GPD1: variants seen among roughly 807,000 people sequenced by gnomAD.
GPD1 encodes glycerol-3-phosphate dehydrogenase [NAD(+)], cytoplasmic.
GPD1 carries 19 observed loss-of-function variants against 34.4 expected under a neutral mutation model. That is an observed-to-expected ratio of 0.55 (90% confidence interval 0.39 to 0.81). GPD1 has a LOEUF of 0.81. Among genes scored for constraint, GPD1 ranks in the 30% least tolerant of loss-of-function variants. GPD1 has a pLI of 0.00. For missense variants in GPD1, 429 were observed against 447.0 expected (o/e 0.96, Z 0.36); for synonymous variants, 172 against 174.1 (o/e 0.99, Z 0.09).
intron 1 of GPD1, 122 bp from the exon 2 acceptor site, chr12:50,104,452 A>G: frequency 3.8e-6 from 3 of 784,666 alleles, no homozygotes; most frequent in Non-Finnish European, 6.9e-6. Context: ...TGGAGGTGAT[A>G]AGGAAGGTAG....
At chr12:50,107,963 C>T (rs1434527036) in intron 6 of GPD1, 61 bp from the exon 7 acceptor site, 2 of 1,148,378 alleles carry the variant, frequency 1.7e-6, no homozygotes, top group Admixed American at 1.9e-5. Context: ...TCCAGTCTCT[C>T]CACCCCCTAC....
At position 50,104,603 on chromosome 12, in the gene GPD1, G is replaced by C. The variant is rs1565746418; in HGVS notation, c.71G>C (p.Gly24Ala). The change falls in exon 2 of 8, where the codon GGC (glycine) becomes GCC (alanine). Residue 24 changes from glycine to alanine, a missense_variant. Gly to Ala is a moderately conservative substitution (Grantham distance 60). Coordinates refer to ENST00000301149, the MANE Select transcript of GPD1 (RefSeq NM_005276.4). ...TCAGCCATCGCCAAGATCGTGGGTG[G>C]CAATGCAGCCCAGCTGGCACAGTTT... Reference protein sequence around the residue: ...WGSAIAKIVGGNAAQLAQFDP... With the variant: ...WGSAIAKIVGANAAQLAQFDP... The C allele has an allele frequency of 1.2e-6, 2 of 1,613,794 alleles. No individual in the cohort carries two copies. Among genetic ancestry groups the C allele is most frequent in the Non-Finnish European group, 1.7e-6 (2 of 1,179,708 alleles).
rs147931328 is a variant in GPD1 at position 50,107,669 on chromosome 12, G to A, written c.715G>A (p.Ala239Thr). 3.0e-4 allele frequency: 491 copies of A among 1,613,896 alleles called. No homozygotes were observed. The highest frequency in any genetic ancestry group is 4.8e-4 in the Admixed American group (29 of 59,992). Residue 239 changes from alanine (A) to threonine (T), a missense_variant, in exon 6 of 8, where the codon GCC (alanine) becomes ACC (threonine). Physicochemically the swap from Ala to Thr is moderately conservative, Grantham distance 58. Transcript: ENST00000301149. The stretch of plus-strand genomic sequence containing the variant: ...GGGACTCATGGAGATGATAGCCTTC[G>A]CCAAGCTCTTCTGCAGTGGCCCTGT... ...RLGLMEMIAF[A>T]KLFCSGPVSS...
intron 1 of GPD1, 106 bp downstream of exon 1, chr12:50,104,197 C>T (rs758977888): frequency 1.4e-5 from 15 of 1,037,152 alleles, no homozygotes; most frequent in Non-Finnish European, 2.1e-5. Context: ...TGTTCAGCCC[C>T]TGCTGCTATC....
chr12:50,106,879 C>CAAG lies in GPD1; in HGVS notation c.576_578dup (p.Glu193dup). The CAAG allele has an allele frequency of 8.7e-6, 14 of 1,612,700 alleles. No homozygotes were observed. Among genetic ancestry groups the CAAG allele is most frequent in the Non-Finnish European group, 1.2e-5 (14 of 1,178,682 alleles). The stretch of plus-strand genomic sequence containing the variant: ...ACCAAACTTCCGTATCACAGTGGTG[C>CAAG]AAGAGGTGGACACAGTAGAGATCTG... On this transcript the variant is annotated inframe_insertion, in exon 5 of 8. Coordinates refer to ENST00000301149, the MANE Select transcript of GPD1 (RefSeq NM_005276.4).
In GPD1 at chr12:50,110,393, A is replaced by T. The variant is rs1951014242; in HGVS notation, c.*874A>T. ...GGCTCAGATCACTCAGCTCCCTGTG[A>T]CCTTTGTATTCACCCAGGCTTCCTT... On this transcript the variant is annotated 3_prime_UTR_variant, in exon 8 of 8. Transcript: ENST00000301149. 1 of 152,782 alleles carries T rather than the reference A, an allele frequency of 6.5e-6. No homozygotes were observed. The highest frequency in any genetic ancestry group is 1.5e-5 in the Non-Finnish European group (1 of 68,194). 9.5% of individuals were successfully genotyped at this position (152,782 alleles called of 1,614,324 possible).
At chr12:50,105,286 A>G in intron 2 of GPD1, 1 of 508,908 alleles carries the variant, frequency 2.0e-6, no homozygotes, top group African/African-American at 1.9e-5. Context: ...ACTGTCCCAC[A>G]GCCAAGGGAT....
chr12:50,105,590 A>T lies in GPD1; in HGVS notation c.262A>T (p.Ile88Phe), dbSNP rs141658302. 2.4e-5 allele frequency: 38 copies of T among 1,614,036 alleles called. No individual in the cohort carries two copies. Among genetic ancestry groups the T allele is most frequent in the Non-Finnish European group, 3.0e-5 (35 of 1,180,030 alleles). ...GGTCCAGGCTGCAGAGGATGCTGAC[A>T]TCCTGATCTTTGTGGTGCCCCATCA... is the stretch of plus-strand genomic sequence containing the variant. Reference protein sequence around the residue: ...DVVQAAEDADILIFVVPHQFI... With the variant: ...DVVQAAEDADFLIFVVPHQFI... Residue 88 changes from isoleucine (I) to phenylalanine (F), a missense_variant, in exon 3 of 8, where the codon ATC becomes TTC. By Grantham distance (21) the Ile-to-Phe change is conservative. Transcript: ENST00000301149.
At chr12:50,106,776 C>A in intron 4 of GPD1, 29 bp from the exon 5 acceptor site, 1 of 1,282,178 alleles carries the variant, frequency 7.8e-7, no homozygotes, top group Non-Finnish European at 1.1e-6. Context: ...GAGTCCTTCC[C>A]TCAAAGCCTT....
At position 50,111,121 on chromosome 12, in the gene GPD1, A is replaced by AGTG. The variant is rs1951019554; in HGVS notation, c.*1604_*1605insGGT. On this transcript the variant is annotated 3_prime_UTR_variant, in exon 8 of 8. Coordinates refer to ENST00000301149, the MANE Select transcript of GPD1 (RefSeq NM_005276.4). The surrounding 1 kb of genome is among the most constrained non-coding windows in gnomAD (Gnocchi z 4.1). ...ATCAGGCAGCAGGAGTGAGGGGCAC[A>AGTG]GTCACCCCAGGCCTTGCTGAGCCCA... 6.6e-6 allele frequency: 1 copy of AGTG among 152,416 alleles called. No homozygotes were observed. Among genetic ancestry groups the AGTG allele is most frequent in the Non-Finnish European group, 1.5e-5 (1 of 68,206 alleles). 9.4% of individuals were successfully genotyped at this position (152,416 alleles called of 1,614,324 possible).
chr12:50,106,568 C>T (rs945218323), intron 4 of GPD1, 142 bp downstream of exon 4: 2 of 859,112 alleles, frequency 2.3e-6, no homozygotes, highest in African/African-American at 3.4e-5. Context: ...GGCTGGGACA[C>T]CCCCAGGGAA....
chr12:50,107,795 G>A lies in GPD1; in HGVS notation c.841G>A (p.Gly281Arg), dbSNP rs756639639. Reference protein sequence around the residue: ...RKVAEAFARTGKSIEQLEKEL... With the variant: ...RKVAEAFARTRKSIEQLEKEL... ...AGTGGCTGAGGCCTTTGCGCGTACA[G>A]GAAAGGTGGGCCCCGGGAGAAGGGA... The change falls in exon 6 of 8, where the codon GGA becomes AGA. Residue 281 changes from glycine to arginine, a missense_variant. Coordinates refer to ENST00000301149, the MANE Select transcript of GPD1 (RefSeq NM_005276.4). The A allele has an allele frequency of 1.2e-6, 2 of 1,609,122 alleles. No homozygotes were observed. The highest frequency in any genetic ancestry group is 2.2e-5 in the South Asian group (2 of 91,000).
rs142457203 is a variant in GPD1 at position 50,106,857 on chromosome 12, A to C, written c.552A>C (p.Pro184=). The C allele has an allele frequency of 3.1e-6, 5 of 1,613,452 alleles. No individual in the cohort carries two copies. Among genetic ancestry groups the C allele is most frequent in the Non-Finnish European group, 4.2e-6 (5 of 1,179,364 alleles). ...TCCTGAAAGAGCTGATGCAGACACC[A>C]AACTTCCGTATCACAGTGGTGCAAG... is the stretch of plus-strand genomic sequence containing the variant. The part of the protein sequence containing the change: ...GQLLKELMQT[P]NFRITVVQEV... The change falls in exon 5 of 8, where the codon CCA becomes CCC. Residue 184 remains proline (P), a synonymous_variant. Transcript: ENST00000301149.
At chr12:50,107,123 C>A in intron 5 of GPD1, 1 of 689,206 alleles carries the variant, frequency 1.5e-6, no homozygotes, top group Non-Finnish European at 2.7e-6. Context: ...AGACCGTGGA[C>A]CCCCTTGCTC....
rs558819398 is a variant in GPD1 at position 50,107,787 on chromosome 12, C to T, written c.833C>T (p.Ala278Val). ...AACCGGAAAGTGGCTGAGGCCTTTG[C>T]GCGTACAGGAAAGGTGGGCCCCGGG... ...GRNRKVAEAF[A>V]RTGKSIEQLE... Residue 278 changes from alanine (A) to valine (V), a missense_variant, in exon 6 of 8, where the codon GCG becomes GTG. By Grantham distance (64) the Ala-to-Val change is moderately conservative. Coordinates refer to ENST00000301149, the MANE Select transcript of GPD1 (RefSeq NM_005276.4). The T allele has an allele frequency of 1.7e-5, 27 of 1,611,246 alleles. No homozygotes were observed. Among genetic ancestry groups the T allele is most frequent in the Middle Eastern group, 1.6e-4 (1 of 6,076 alleles).
intron 2 of GPD1, 123 bp downstream of exon 2, chr12:50,104,874 G>T (rs1257631849): frequency 1.3e-6 from 1 of 746,958 alleles, no homozygotes; most frequent in Non-Finnish European, 2.2e-6. Flanking sequence ...ACTTGGGAAG[G>T]TCTCAGGAGG....
At position 50,106,323 on chromosome 12, in the gene GPD1, C is replaced by T. The variant is rs1442954806; in HGVS notation, c.396C>T (p.Ile132=). 8.1e-6 allele frequency: 13 copies of T among 1,613,588 alleles called. No homozygotes were observed. Among genetic ancestry groups the T allele is most frequent in the Non-Finnish European group, 1.1e-5 (13 of 1,179,798 alleles). The change falls in exon 4 of 8, where the codon ATC becomes ATT. Residue 132 remains isoleucine (I), a synonymous_variant. Transcript: ENST00000301149. ...VDEGPNGLKL[I]SEVIGERLGI... is the part of the protein sequence containing the mutation. Reference sequence around the variant, plus strand: ...AGGGCCCCAATGGGCTGAAGCTCATCTCGGAAGTGATTGGGGAGCGCCTCG... The same window carrying T: ...AGGGCCCCAATGGGCTGAAGCTCATTTCGGAAGTGATTGGGGAGCGCCTCG...
At position 50,104,586 on chromosome 12, in the gene GPD1, C is replaced by A; in HGVS notation, c.54C>A (p.Ile18=). Residue 18 remains isoleucine (I), a synonymous_variant, in exon 2 of 8, where the codon ATC becomes ATA. Coordinates refer to ENST00000301149, the MANE Select transcript of GPD1 (RefSeq NM_005276.4). ...CCCCTCCCACCAGGGGCTCAGCCAT[C>A]GCCAAGATCGTGGGTGGCAATGCAG... The part of the protein sequence containing the change: ...IVGSGNWGSA[I]AKIVGGNAAQ... 1 of 1,613,218 alleles carries A rather than the reference C, an allele frequency of 6.2e-7. No homozygotes were observed. Among genetic ancestry groups the A allele is most frequent in the East Asian group, 2.2e-5 (1 of 44,874 alleles).
chr12:50,107,961 C>G, intron 6 of GPD1, 63 bp from the exon 7 acceptor site: 11 of 1,136,110 alleles, frequency 9.7e-6, no homozygotes, highest in Non-Finnish European at 1.2e-5. Context: ...GCTCCAGTCT[C>G]TCCACCCCCT....
Sources: allele counts gnomAD v4.1 joint callset, GRCh38; gene constraint gnomAD v4.1.1; non-coding constraint Gnocchi (gnomAD v3.1); transcripts MANE v1.5; gene names NCBI Gene and HGNC (gene_info 2026-07-23, HGNC 2026-07-21).